The following ASTN2 variants were observed in gnomAD, a reference collection of about 807,000 sequenced individuals.
ASTN2 encodes the protein astrotactin-2.
ASTN2 carries 54 observed loss-of-function variants against 139.8 expected under a neutral mutation model. The observed-to-expected ratio is 0.39, with a 90% CI of 0.31 to 0.48. The LOEUF (loss-of-function observed/expected upper bound fraction) is 0.48, where lower values mean the gene tolerates loss of function less well. Among genes scored for constraint, ASTN2 ranks in the 20% least tolerant of loss-of-function variants. The pLI is 0.95. For synonymous variants in ASTN2, 756 were observed against 719.5 expected (o/e 1.05, Z -0.81); for missense variants, 1,565 against 1,725.1 (o/e 0.91, Z 1.64).
chr9:117,257,246 A>C (rs1189034046), intron 2 of ASTN2, among the ~76,000 whole-genome samples: 7 of 152,196 alleles, frequency 4.6e-5, no homozygotes, highest in Non-Finnish European at 5.9e-5. Flanking sequence ...TAAAAGGACT[A>C]GAGTTTGGGG....
intron 16 of ASTN2, among the ~76,000 whole-genome samples, chr9:116,710,085 G>A (rs935284396): frequency 6.6e-6 from 1 of 152,136 alleles, no homozygotes; most frequent in Non-Finnish European, 1.5e-5. Flanking sequence ...TGATAGGGAA[G>A]CCTAGGTAGG....
rs182325195 is a variant in ASTN2, at chr9:116,486,397, T to C, written c.3497+962A>G. Among the ~76,000 whole-genome samples, 41 of 152,168 alleles carry C rather than the reference T, an allele frequency of 2.7e-4. No homozygotes were observed. The East Asian group carries it at 7.5e-3, about 28-fold the overall frequency. ...AGGAATGTAAGAGCAGGTGAATAGA[T>C]GGATGAAGAGACGAATGGATGGAGG... is the stretch of plus-strand genomic sequence containing the variant. On this transcript the variant is annotated intron_variant, in intron 20 of 22. Coordinates refer to ENST00000313400, the MANE Select transcript of ASTN2 (RefSeq NM_001365068.1).
chr9:117,175,730 A>T (rs1415424159), intron 3 of ASTN2, among the ~76,000 whole-genome samples: 1 of 152,194 alleles, frequency 6.6e-6, no homozygotes, highest in East Asian at 1.9e-4. Context: ...TCCATGGTTA[A>T]AGACTGAAAT....
intron 17 of ASTN2, among the ~76,000 whole-genome samples, chr9:116,632,207 A>AGAG (rs71377259): frequency 1.2e-5 from 1 of 85,002 alleles, no homozygotes; most frequent in Non-Finnish European, 2.3e-5. Flanking sequence ...AAAGAAAGAA[A>AGAG]AGAAAGAAAG....
intron 7 of ASTN2, among the ~76,000 whole-genome samples, chr9:116,987,278 G>A (rs996451220): frequency 6.6e-5 from 10 of 152,214 alleles, no homozygotes; most frequent in African/African-American, 2.4e-4. Flanking sequence ...TATGAGATCT[G>A]GTTGTTTAAA....
intron 10 of ASTN2, among the ~76,000 whole-genome samples, chr9:116,885,361 A>T (rs1398559952): frequency 2.0e-5 from 3 of 152,224 alleles, no homozygotes; most frequent in Admixed American, 2.0e-4. Context: ...GTATCAATAA[A>T]AAAAGACCTT....
At chr9:116,514,451 G>A (rs1380856944) in intron 19 of ASTN2, among the ~76,000 whole-genome samples, 2 of 152,116 alleles carry the variant, frequency 1.3e-5, no homozygotes, top group Non-Finnish European at 1.5e-5. Context: ...AGGGGTCAGG[G>A]ACCCACTTGA....
chr9:117,316,784 G>A (rs1272831756), intron 1 of ASTN2, among the ~76,000 whole-genome samples: 1 of 152,158 alleles, frequency 6.6e-6, no homozygotes, highest in Non-Finnish European at 1.5e-5. Flanking sequence ...ATGGGGGCGT[G>A]AGCAGTTTCC....
intron 19 of ASTN2, among the ~76,000 whole-genome samples, chr9:116,607,947 C>T (rs184280482): frequency 4.6e-5 from 7 of 152,168 alleles, no homozygotes; most frequent in South Asian, 4.1e-4. Flanking sequence ...GGCGACAGAG[C>T]GAGACTCCGT....
At chr9:117,075,381 G>C (rs550423666) in intron 5 of ASTN2, among the ~76,000 whole-genome samples, 1 of 152,204 alleles carries the variant, frequency 6.6e-6, no homozygotes, top group South Asian at 2.1e-4. Context: ...AGCTGAGAGA[G>C]GGAAGAGTCA....
chr9:116,809,434 G>A (rs1442535122), intron 12 of ASTN2, among the ~76,000 whole-genome samples: 1 of 151,848 alleles, frequency 6.6e-6, no homozygotes, highest in Non-Finnish European at 1.5e-5. Context: ...TTAATTATCT[G>A]TATATTCCTG....
chr9:116,537,373 C>T (rs1315483861), intron 19 of ASTN2, among the ~76,000 whole-genome samples: 1 of 152,176 alleles, frequency 6.6e-6, no homozygotes, highest in African/African-American at 2.4e-5. Context: ...AGAAATGCAA[C>T]TTTGGTTTCA....
intron 2 of ASTN2, among the ~76,000 whole-genome samples, chr9:117,227,876 C>A (rs958838437): frequency 4.6e-5 from 7 of 152,180 alleles, no homozygotes; most frequent in African/African-American, 1.7e-4. Context: ...AGATGCAACT[C>A]TTCAAGCACA....
At chr9:116,745,256 C>T (rs1829204101) in intron 13 of ASTN2, among the ~76,000 whole-genome samples, 1 of 152,180 alleles carries the variant, frequency 6.6e-6, no homozygotes, top group Non-Finnish European at 1.5e-5. Context: ...CCAATCCAGT[C>T]CTGTTTCGAC....
At chr9:117,187,715 G>T (rs1271640898) in intron 3 of ASTN2, among the ~76,000 whole-genome samples, 2 of 152,166 alleles carry the variant, frequency 1.3e-5, no homozygotes, top group Non-Finnish European at 2.9e-5. Context: ...CTCACCAGAT[G>T]CAGCCCTCCT....
chr9:116,768,267 C>A (rs1588276864), intron 13 of ASTN2, among the ~76,000 whole-genome samples: 1 of 152,006 alleles, frequency 6.6e-6, no homozygotes, highest in Non-Finnish European at 1.5e-5. Context: ...ACATATCCCA[C>A]CTTACCGTGG....
chr9:116,778,835 C>G (rs1470368564), intron 13 of ASTN2, among the ~76,000 whole-genome samples: 1 of 152,116 alleles, frequency 6.6e-6, no homozygotes, highest in African/African-American at 2.4e-5. Flanking sequence ...TTTAGGAGAA[C>G]AGAGGGGGCC....
chr9:116,575,204 CTCT>C (rs1343444030), intron 19 of ASTN2, among the ~76,000 whole-genome samples: 1 of 151,762 alleles, frequency 6.6e-6, no homozygotes, highest in Non-Finnish European at 1.5e-5. Context: ...ATTGGCTTAC[CTCT>C]TTTTTTCATA....
intron 5 of ASTN2, among the ~76,000 whole-genome samples, chr9:117,068,561 T>C (rs1828018643): frequency 8.7e-6 from 1 of 114,556 alleles, no homozygotes; most frequent in South Asian, 3.4e-4. Flanking sequence ...TTCTATTGAT[T>C]GGAATAGTTT....
Sources: gnomAD v4.1 joint callset for allele counts (sites outside exome capture counted in the v4.1 genomes callset) on GRCh38, gnomAD v4.1.1 for gene constraint, MANE v1.5 for transcripts, NCBI Gene and HGNC (gene_info 2026-07-23, HGNC 2026-07-21) for gene names.